The following ABCB5 variants were observed in gnomAD, a reference collection of about 807,000 sequenced individuals.
The protein encoded by ABCB5 is ATP binding cassette subfamily B member 5.
ABCB5 carries 155 observed loss-of-function variants against 144.2 expected under a neutral mutation model. That is an observed-to-expected ratio of 1.08 (90% CI 0.94 to 1.23). The LOEUF (loss-of-function observed/expected upper bound fraction) is 1.23, where lower values mean the gene tolerates loss of function less well. Ranked by LOEUF, ABCB5 falls within the 50% of genes most tolerant of loss-of-function variation. The probability of loss-of-function intolerance (pLI) is 0.00; values close to 1 mark genes in which losing one functional copy is unlikely to be tolerated. For synonymous variants in ABCB5, 610 were observed against 528.6 expected, an observed-to-expected ratio of 1.15 and a Z score of -2.11; for missense variants, 1,830 against 1,520.8, an observed-to-expected ratio of 1.20 and a Z score of -3.38.
chr7:20,671,270 A>G (rs563899308), intron 14 of ABCB5, among the ~76,000 whole-genome samples: 3 of 152,356 alleles, frequency 2.0e-5, no homozygotes, highest in African/African-American at 4.8e-5. Context: ...AGAATGACCA[A>G]CTGGGCTGCT....
At chr7:20,621,251 T>G (rs1220793548) in intron 1 of ABCB5, among the ~76,000 whole-genome samples, 1 of 152,112 alleles carries the variant, frequency 6.6e-6, no homozygotes, top group African/African-American at 2.4e-5. Flanking sequence ...CAGAAGTTAT[T>G]GTTTAATGGA....
intron 5 of ABCB5, among the ~76,000 whole-genome samples, chr7:20,636,640 C>A (rs1054019238): frequency 1.3e-5 from 2 of 151,832 alleles, no homozygotes; most frequent in Non-Finnish European, 2.9e-5. Context: ...CAAAAATTAG[C>A]TGGGCATGGT....
intron 19 of ABCB5, among the ~76,000 whole-genome samples, chr7:20,701,539 G>C (rs1263222492): frequency 6.6e-6 from 1 of 152,142 alleles, no homozygotes; most frequent in East Asian, 1.9e-4. Context: ...TCAAAGCCAT[G>C]AGACCGTTTA....
At chr7:20,665,744 T>TAGAC (rs1204333199) in intron 14 of ABCB5, among the ~76,000 whole-genome samples, 10 of 138,148 alleles carry the variant, frequency 7.2e-5, no homozygotes, top group Admixed American at 3.1e-4. Flanking sequence ...GATAGATAGA[T>TAGAC]AGATAGATAG....
At chr7:20,630,128 T>C (rs17143193) in intron 4 of ABCB5, among the ~76,000 whole-genome samples, 4,321 of 152,268 alleles carry the variant, frequency 0.028, 199 homozygotes, top group African/African-American at 0.099. Context: ...ATGTAATGAC[T>C]ATGCAGTATT....
chr7:20,643,538 G>C lies in ABCB5; in HGVS notation c.584G>C (p.Gly195Ala). ...CAAAACATGTCTACTTTTTCGATTG[G>C]CCTGGCAGTTGGTTTGGTGAAGGGC... Reference protein sequence around the residue: ...LFQNMSTFSIGLAVGLVKGWK... With the variant: ...LFQNMSTFSIALAVGLVKGWK... Residue 195 changes from glycine (G) to alanine (A), a missense_variant, in exon 7 of 28, where the codon GGC becomes GCC. By Grantham distance (60) the Gly-to-Ala change is moderately conservative. Transcript: ENST00000404938. 1 of 1,613,960 alleles carries C rather than the reference G, an allele frequency of 6.2e-7. No homozygotes were observed.
At chr7:20,700,499 A>C (rs1786583703) in intron 19 of ABCB5, among the ~76,000 whole-genome samples, 1 of 152,236 alleles carries the variant, frequency 6.6e-6, no homozygotes, top group Non-Finnish European at 1.5e-5. Context: ...TCTGAAAAGA[A>C]GTTGTTAATT....
At chr7:20,662,173 C>T (rs1785023809) in intron 14 of ABCB5, among the ~76,000 whole-genome samples, 1 of 152,148 alleles carries the variant, frequency 6.6e-6, no homozygotes, top group African/African-American at 2.4e-5. Flanking sequence ...TCGGCCACAC[C>T]ACATCAATGG....
At chr7:20,723,480 T>C (rs1046653010) in intron 21 of ABCB5, among the ~76,000 whole-genome samples, 13 of 152,242 alleles carry the variant, frequency 8.5e-5, no homozygotes, top group Admixed American at 2.6e-4. Flanking sequence ...ATCCAGATTC[T>C]ATGCTAACAA....
intron 14 of ABCB5, chr7:20,667,616 G>C (rs73684699): frequency 1.6e-6 from 1 of 640,872 alleles, no homozygotes; most frequent in African/African-American, 1.9e-5. Flanking sequence ...ACATCACGTG[G>C]CTTCATGAAT....
chr7:20,731,057 TAA>T (rs113166246), intron 23 of ABCB5, among the ~76,000 whole-genome samples: 1 of 150,766 alleles, frequency 6.6e-6, no homozygotes, highest in African/African-American at 2.4e-5. Context: ...ATCACACCTA[TAA>T]AAAAAAATAA....
In ABCB5 at chr7:20,755,642, A is replaced by G. The variant is rs938208503; in HGVS notation, c.*18A>G. On this transcript the variant is annotated 3_prime_UTR_variant, in exon 28 of 28. Coordinates refer to ENST00000404938, the MANE Select transcript of ABCB5 (RefSeq NM_001163941.2). ...TGCAGTGATGCTGTTGAGGTAGCAC[A>G]TATTTTGATGTTCGTGTAATGCAAA... 1 of 1,611,520 alleles carries G rather than the reference A, an allele frequency of 6.2e-7. No homozygotes were observed. The highest frequency in any genetic ancestry group is 8.5e-7 in the Non-Finnish European group (1 of 1,178,270).
chr7:20,726,608 C>T lies in ABCB5; in HGVS notation c.2626-432C>T, dbSNP rs190901727. 1.5e-4 allele frequency among the ~76,000 whole-genome samples: 23 copies of T among 152,202 alleles called. No individual in the cohort carries two copies. In the East Asian group the frequency reaches 4.2e-3, roughly 28 times the overall value. ...TTTCGAACTCCTGGCCTCAAGTAAT[C>T]GGCCCGCCTTGGCCTCCCAAAGTAC... On this transcript the variant is annotated intron_variant, in intron 21 of 27. Coordinates refer to ENST00000404938, the MANE Select transcript of ABCB5 (RefSeq NM_001163941.2).
chr7:20,663,207 T>C (rs1785061639), intron 14 of ABCB5, among the ~76,000 whole-genome samples: 1 of 152,214 alleles, frequency 6.6e-6, no homozygotes, highest in Non-Finnish European at 1.5e-5. Context: ...TTCAAACCTC[T>C]TAATAAACAT....
intron 20 of ABCB5, among the ~76,000 whole-genome samples, chr7:20,706,474 T>C (rs1219219175): frequency 2.0e-5 from 3 of 152,244 alleles, no homozygotes; most frequent in African/African-American, 7.2e-5. Context: ...TATTAATTGT[T>C]ACTAATAAAT....
In ABCB5 at chr7:20,645,740, T is replaced by C. The variant is rs754611572; in HGVS notation, c.679-16T>C. The C allele has an allele frequency of 9.3e-6, 15 of 1,612,914 alleles. No individual in the cohort carries two copies. The highest frequency in any genetic ancestry group is 1.3e-5 in the Non-Finnish European group (15 of 1,179,398). ...ACACAGAGTCATTTTTTAACTGTGG[T>C]TGTGGTTTATTACAGATGGTCATCT... On this transcript the variant is annotated splice_polypyrimidine_tract_variant and intron_variant, in intron 7 of 27. Coordinates refer to ENST00000404938, the MANE Select transcript of ABCB5 (RefSeq NM_001163941.2).
At position 20,626,623 on chromosome 7, in the gene ABCB5, CAGTT is replaced by C; in HGVS notation, c.108+15_108+18del. 1.3e-6 allele frequency: 2 copies of C among 1,597,134 alleles called. No homozygotes were observed. Among genetic ancestry groups the C allele is most frequent in the Non-Finnish European group, 1.7e-6 (2 of 1,171,522 alleles). On this transcript the variant is annotated intron_variant, in intron 3 of 27. Transcript: ENST00000404938. ...GATCTATTGAGATAGTAAGTGAAAT[CAGTT>C]AGAAAGTACATGCATTAGAAGATTT...
intron 9 of ABCB5, 109 bp from the exon 10 acceptor site, chr7:20,647,426 A>T: frequency 7.2e-7 from 1 of 1,392,582 alleles, no homozygotes; most frequent in Non-Finnish European, 9.3e-7. Flanking sequence ...TTCTTACCTA[A>T]TTCCTCTAAT....
At chr7:20,618,876 G>T (rs1336010194) in intron 1 of ABCB5, among the ~76,000 whole-genome samples, 8 of 131,454 alleles carry the variant, frequency 6.1e-5, no homozygotes, top group African/African-American at 2.3e-4. Flanking sequence ...CCGGGTTCAA[G>T]AGATTCTCCT....
Sources: gnomAD v4.1 joint callset for allele counts (sites outside exome capture counted in the v4.1 genomes callset) on GRCh38, gnomAD v4.1.1 for gene constraint, MANE v1.5 for transcripts, NCBI Gene and HGNC (gene_info 2026-07-23, HGNC 2026-07-21) for gene names.